PLEKHM3: variants seen among roughly 807,000 people sequenced by gnomAD.
PLEKHM3 encodes the protein pleckstrin homology domain-containing family M member 3.
Under a neutral mutation model 81.8 loss-of-function variants are expected in PLEKHM3, and 45 were observed. The ratio of observed to expected loss-of-function variants is 0.55; its 90% CI spans 0.43 to 0.71. The LOEUF (loss-of-function observed/expected upper bound fraction) is 0.71. Ranked by LOEUF, PLEKHM3 falls within the 30% of genes least tolerant of loss-of-function variation. The pLI is 0.00. For synonymous variants in PLEKHM3, 352 were observed against 356.4 expected, an observed-to-expected ratio of 0.99 and a Z score of 0.14; for missense variants, 788 against 924.3, an observed-to-expected ratio of 0.85 and a Z score of 1.91.
intron 5 of PLEKHM3, among the ~76,000 whole-genome samples, chr2:207,918,963 G>A (rs1401864027): frequency 6.6e-6 from 1 of 152,092 alleles, no homozygotes; most frequent in Non-Finnish European, 1.5e-5. Context: ...CATGTTTAAT[G>A]GTAATAAGTA....
chr2:207,972,005 G>T (rs1474236111), intron 3 of PLEKHM3, among the ~76,000 whole-genome samples: 1 of 152,186 alleles, frequency 6.6e-6, no homozygotes, highest in East Asian at 1.9e-4. Context: ...CCCAATGCAT[G>T]GGCGTCACAT....
At position 207,828,431 on chromosome 2, in the gene PLEKHM3, C is replaced by T. The variant is rs1448126429; in HGVS notation, c.2174G>A (p.Cys725Tyr). The part of the protein sequence containing the change: ...CKEKSVPCPR[C>Y]VRRELQKKQK... The stretch of plus-strand genomic sequence containing the variant: ...CTTCTTCTGCAGCTCTCGGCGAACA[C>T]ACCTCGGGCAGGGGACAGACTTTTC... Residue 725 changes from cysteine to tyrosine, a missense_variant, in exon 8 of 8, where the codon TGT (cysteine) becomes TAT (tyrosine). Cys to Tyr is a radical substitution (Grantham distance 194). Transcript: ENST00000427836. 1 of 1,614,134 alleles carries T rather than the reference C, an allele frequency of 6.2e-7. No individual in the cohort carries two copies. The highest frequency in any genetic ancestry group is 8.5e-7 in the Non-Finnish European group (1 of 1,180,030).
chr2:208,019,279 C>T (rs1372670203), intron 1 of PLEKHM3, among the ~76,000 whole-genome samples: 1 of 152,198 alleles, frequency 6.6e-6, no homozygotes, highest in Non-Finnish European at 1.5e-5. Flanking sequence ...GCACTCCAGC[C>T]TGGGCAACAG....
At chr2:207,908,642 G>A (rs1239908220) in intron 5 of PLEKHM3, 65 bp from the exon 6 acceptor site, 4 of 1,420,208 alleles carry the variant, frequency 2.8e-6, no homozygotes, top group Non-Finnish European at 3.9e-6. Flanking sequence ...TTTCTGATAA[G>A]TTTCAGTCTC....
In PLEKHM3 at chr2:207,977,455, T is replaced by C. The variant is rs1426888331; in HGVS notation, c.742A>G (p.Ser248Gly). The change falls in exon 3 of 8, where the codon AGT (serine) becomes GGT (glycine). Residue 248 changes from serine to glycine, a missense_variant. Transcript: ENST00000427836. ...GTGGCATAAAGGTTTTGATTCCCAC[T>C]GCTGTCGAGGCTGTAGAAGTATAAG... is the stretch of plus-strand genomic sequence containing the variant. ...YNLYFYSLDS[S>G]GNQNLYATYQ... The C allele has an allele frequency of 1.2e-6, 2 of 1,614,232 alleles. No homozygotes were observed. The highest frequency in any genetic ancestry group is 2.2e-5 in the South Asian group (2 of 91,084).
At chr2:207,881,492 C>T (rs1384895069) in intron 6 of PLEKHM3, among the ~76,000 whole-genome samples, 1 of 152,192 alleles carries the variant, frequency 6.6e-6, no homozygotes, top group East Asian at 1.9e-4. Flanking sequence ...AACGGAGGAG[C>T]TGGGACTCAA....
At chr2:207,842,342 C>T (rs1303051767) in intron 7 of PLEKHM3, among the ~76,000 whole-genome samples, 2 of 152,108 alleles carry the variant, frequency 1.3e-5, no homozygotes, top group African/African-American at 2.4e-5. Flanking sequence ...AGATATTGGA[C>T]GTTCTGAACA....
At chr2:207,943,867 C>CAAAA (rs66843432) in intron 4 of PLEKHM3, among the ~76,000 whole-genome samples, 397 of 75,516 alleles carry the variant, frequency 5.3e-3, no homozygotes, top group Non-Finnish European at 6.5e-3. Flanking sequence ...GACTCCGTCT[C>CAAAA]AAAAAAAAAA....
At chr2:207,831,493 G>A (rs1438260584) in intron 7 of PLEKHM3, among the ~76,000 whole-genome samples, 1 of 152,218 alleles carries the variant, frequency 6.6e-6, no homozygotes, top group Admixed American at 6.5e-5. Flanking sequence ...GTGACAGTGG[G>A]CAAGTTACTA....
chr2:207,902,336 C>T (rs1688458427), intron 6 of PLEKHM3, among the ~76,000 whole-genome samples: 1 of 152,190 alleles, frequency 6.6e-6, no homozygotes, highest in Non-Finnish European at 1.5e-5. Flanking sequence ...CAAAATAACT[C>T]ACATCACTTC....
At chr2:207,851,563 C>T (rs956404566) in intron 7 of PLEKHM3, 1 of 151,328 alleles carries the variant, frequency 6.6e-6, no homozygotes, top group African/African-American at 2.4e-5. Flanking sequence ...CATGATGAAA[C>T]CCAGTCTCTA....
chr2:207,973,453 A>T (rs1200425054), intron 3 of PLEKHM3, among the ~76,000 whole-genome samples: 2 of 152,244 alleles, frequency 1.3e-5, no homozygotes, highest in African/African-American at 4.8e-5. Flanking sequence ...ACCAGAGTTC[A>T]GCCTGGCACA....
At chr2:207,925,187 G>A (rs1011382468) in intron 5 of PLEKHM3, among the ~76,000 whole-genome samples, 1 of 150,232 alleles carries the variant, frequency 6.7e-6, no homozygotes, top group Admixed American at 6.7e-5. Flanking sequence ...AAAAATTAGA[G>A]AGTATGACAT....
Position 207,930,925 on chromosome 2 carries a change from C to G in PLEKHM3, c.1886+1G>C, listed in dbSNP as rs1689570839. The stretch of plus-strand genomic sequence containing the variant: ...AGCCGTCTGAGATTTATGACTCTTA[C>G]CTGCGGCGGAGATCCTCTGCCACCG... On this transcript the variant is annotated splice_donor_variant, in intron 5 of 7. Transcript: ENST00000427836. LOFTEE classifies it high-confidence loss of function. 2 of 1,612,362 alleles carry G rather than the reference C, an allele frequency of 1.2e-6. No individual in the cohort carries two copies. Among genetic ancestry groups the G allele is most frequent in the South Asian group, 1.1e-5 (1 of 91,012 alleles).
At chr2:207,875,209 T>C (rs1461902206) in intron 6 of PLEKHM3, among the ~76,000 whole-genome samples, 1 of 152,042 alleles carries the variant, frequency 6.6e-6, no homozygotes, top group South Asian at 2.1e-4. Context: ...CTTAAATTAA[T>C]AAGGAAAAGA....
chr2:207,916,191 G>A lies in PLEKHM3; in HGVS notation c.1887-7614C>T, dbSNP rs145215693. On this transcript the variant is annotated intron_variant, in intron 5 of 7. Coordinates refer to ENST00000427836, the MANE Select transcript of PLEKHM3 (RefSeq NM_001080475.3). ...TTGCATCAGATATTATATCTTGGCA[G>A]GTAGTTACAGGAAATAAGGGTCCTT... Among the ~76,000 whole-genome samples, 113 of 152,274 alleles carry A rather than the reference G, an allele frequency of 7.4e-4. No homozygotes were observed. In the East Asian group the frequency reaches 8.7e-3, roughly 12 times the overall value.
chr2:207,928,953 G>A (rs1461008569), intron 5 of PLEKHM3, among the ~76,000 whole-genome samples: 1 of 152,184 alleles, frequency 6.6e-6, no homozygotes, highest in Non-Finnish European at 1.5e-5. Flanking sequence ...TGAAAAATAG[G>A]AAGGTAAGAA....
At chr2:207,975,899 A>AT (rs3057251) in intron 3 of PLEKHM3, among the ~76,000 whole-genome samples, 62,614 of 139,990 alleles carry the variant, frequency 0.45, 15,594 homozygotes, top group Non-Finnish European at 0.57. Flanking sequence ...ACCTGGCACA[A>AT]TTTTTTTTTT....
intron 2 of PLEKHM3, among the ~76,000 whole-genome samples, chr2:207,999,037 G>C (rs1386115438): frequency 3.3e-5 from 5 of 151,820 alleles, no homozygotes; most frequent in Non-Finnish European, 7.4e-5. Flanking sequence ...ACCCAGGCTG[G>C]AATGCAGTGG....
Sources: gnomAD v4.1 joint callset for allele counts (sites outside exome capture counted in the v4.1 genomes callset) on GRCh38, gnomAD v4.1.1 for gene constraint, MANE v1.5 for transcripts, NCBI Gene and HGNC (gene_info 2026-07-23, HGNC 2026-07-21) for gene names.